Variants in SUGCT observed in about 807,000 individuals in gnomAD.
SUGCT encodes succinyl-CoA:glutarate-CoA transferase.
A neutral mutation model predicts 55.0 loss-of-function variants in SUGCT; 41 were observed. The ratio of observed to expected loss-of-function variants is 0.74; its 90% CI spans 0.58 to 0.97. The LOEUF (loss-of-function observed/expected upper bound fraction) is 0.97. SUGCT is among the 50% of genes least tolerant of loss of function. The probability of loss-of-function intolerance (pLI) is 0.00; values close to 1 mark genes in which losing one functional copy is unlikely to be tolerated. For synonymous variants in SUGCT, 187 were observed against 200.4 expected (o/e 0.93, Z 0.56); for missense variants, 568 against 547.8 (o/e 1.04, Z -0.37).
At chr7:40,433,129 T>A (rs1787991325) in intron 9 of SUGCT, among the ~76,000 whole-genome samples, 1 of 152,174 alleles carries the variant, frequency 6.6e-6, no homozygotes, top group East Asian at 1.9e-4. Context: ...GATTGTTTTC[T>A]TCAGGTCCAA....
intron 9 of SUGCT, among the ~76,000 whole-genome samples, chr7:40,374,245 TTTGAG>T (rs1233597499): frequency 6.6e-6 from 1 of 152,136 alleles, no homozygotes; most frequent in Admixed American, 6.6e-5. Context: ...ACAATTACAG[TTTGAG>T]TTAATATTTG....
At chr7:40,629,295 A>G (rs1799675225) in intron 12 of SUGCT, among the ~76,000 whole-genome samples, 1 of 152,196 alleles carries the variant, frequency 6.6e-6, no homozygotes, top group South Asian at 2.1e-4. Context: ...TTAGCCAGTC[A>G]TTAGACATGA....
At chr7:40,220,127 T>C (rs1188367264) in intron 6 of SUGCT, among the ~76,000 whole-genome samples, 1 of 152,198 alleles carries the variant, frequency 6.6e-6, no homozygotes, top group Non-Finnish European at 1.5e-5. Context: ...CTAAACATGG[T>C]ATGTGATGTT....
intron 9 of SUGCT, among the ~76,000 whole-genome samples, chr7:40,349,877 C>T (rs1436066764): frequency 2.0e-5 from 3 of 152,142 alleles, no homozygotes; most frequent in African/African-American, 7.2e-5. Flanking sequence ...TGAGGGTGCT[C>T]TACTAATGCT....
intron 9 of SUGCT, among the ~76,000 whole-genome samples, chr7:40,389,098 TAGATAAA>T (rs1366504220): frequency 6.6e-6 from 1 of 152,172 alleles, no homozygotes; most frequent in Non-Finnish European, 1.5e-5. Context: ...AAGACTAACT[TAGATAAA>T]ATATAAGAAT....
intron 12 of SUGCT, among the ~76,000 whole-genome samples, chr7:40,699,678 G>A (rs533775557): frequency 1.3e-5 from 2 of 152,076 alleles, no homozygotes; most frequent in Non-Finnish European, 2.9e-5. Flanking sequence ...AGACCAGCCT[G>A]GTCAATACGG....
At chr7:40,502,433 A>T (rs1792336430) in intron 12 of SUGCT, among the ~76,000 whole-genome samples, 1 of 152,104 alleles carries the variant, frequency 6.6e-6, no homozygotes, top group Admixed American at 6.5e-5. Flanking sequence ...TAAAAATCTA[A>T]TGCAAGCCAT....
At chr7:40,847,589 G>T (rs992533503) in intron 13 of SUGCT, among the ~76,000 whole-genome samples, 1 of 151,606 alleles carries the variant, frequency 6.6e-6, no homozygotes, top group African/African-American at 2.4e-5. Context: ...GCTAATTTTT[G>T]TATTTTTAGT....
chr7:41,020,651 T>A, the SUGCT span, among the ~76,000 whole-genome samples: 164 of 152,316 alleles, frequency 1.1e-3, no homozygotes, highest in African/African-American at 3.8e-3. Flanking sequence ...AATTATATAT[T>A]GGTGCTCTCC....
chr7:40,990,073 C>A, the SUGCT span, among the ~76,000 whole-genome samples: 3 of 152,304 alleles, frequency 2.0e-5, no homozygotes, highest in East Asian at 5.8e-4. Flanking sequence ...TTTTAATGTA[C>A]TTTGCCCAAA....
chr7:40,498,269 C>T (rs1331965314), intron 12 of SUGCT, among the ~76,000 whole-genome samples: 1 of 152,168 alleles, frequency 6.6e-6, no homozygotes, highest in East Asian at 1.9e-4. Context: ...ACTGTGATGA[C>T]TTAGTTCATT....
chr7:41,004,035 C>T, the SUGCT span, among the ~76,000 whole-genome samples: 1 of 152,176 alleles, frequency 6.6e-6, no homozygotes, highest in Non-Finnish European at 1.5e-5. Flanking sequence ...ATCCACCCTC[C>T]CCATCCCTAG....
chr7:40,982,185 A>G, the SUGCT span, among the ~76,000 whole-genome samples: 5 of 152,202 alleles, frequency 3.3e-5, no homozygotes, highest in Admixed American at 6.5e-5. Context: ...TCAATACATA[A>G]TAGCCATTAT....
intron 1 of SUGCT, among the ~76,000 whole-genome samples, chr7:40,175,367 G>A (rs1433832203): frequency 2.0e-5 from 3 of 151,996 alleles, no homozygotes; most frequent in Admixed American, 6.6e-5. Flanking sequence ...TTACAGGTAT[G>A]CACCAACATG....
At chr7:40,888,408 G>C in the SUGCT span, among the ~76,000 whole-genome samples, 1 of 151,230 alleles carries the variant, frequency 6.6e-6, no homozygotes, top group Admixed American at 6.6e-5. Flanking sequence ...CCGAGATCAT[G>C]CCACTGCACT....
At chr7:40,598,255 C>T (rs1272901036) in intron 12 of SUGCT, among the ~76,000 whole-genome samples, 1 of 152,208 alleles carries the variant, frequency 6.6e-6, no homozygotes. Flanking sequence ...CCATGCCTTT[C>T]TCTTGAGTTC....
intron 13 of SUGCT, among the ~76,000 whole-genome samples, chr7:40,846,388 AC>A (rs1563044676): frequency 1.3e-5 from 2 of 149,440 alleles, no homozygotes; most frequent in African/African-American, 4.9e-5. Context: ...AAAAAAAAAA[AC>A]AGTCAGGAGA....
chr7:40,484,929 G>A (rs564640390), intron 11 of SUGCT, among the ~76,000 whole-genome samples: 8 of 152,086 alleles, frequency 5.3e-5, no homozygotes, highest in Middle Eastern at 6.8e-3. Flanking sequence ...TTTCTGCTTG[G>A]TGCATAATGT....
chr7:40,136,912 T>G (rs1787725587), intron 1 of SUGCT, among the ~76,000 whole-genome samples: 1 of 151,870 alleles, frequency 6.6e-6, no homozygotes, highest in Non-Finnish European at 1.5e-5. Flanking sequence ...TGGGATGGCT[T>G]GAGTCCTAGG....
Sources: gnomAD v4.1 joint callset for allele counts (sites outside exome capture counted in the v4.1 genomes callset) on GRCh38, gnomAD v4.1.1 for gene constraint, MANE v1.5 for transcripts, NCBI Gene and HGNC (gene_info 2026-07-23, HGNC 2026-07-21) for gene names.